ATP8B1: variants seen among roughly 807,000 people sequenced by gnomAD.
The protein encoded by ATP8B1 is phospholipid-transporting ATPase IC.
ATP8B1 carries 80 observed loss-of-function variants against 149.9 expected under a neutral mutation model. That is an observed-to-expected ratio of 0.53 (90% CI 0.45 to 0.64). The LOEUF is 0.64. Among genes scored for constraint, ATP8B1 ranks in the 30% least tolerant of loss-of-function variants. ATP8B1 has a pLI of 0.00. For missense variants in ATP8B1, 1,247 were observed against 1,552.6 expected, an observed-to-expected ratio of 0.80 and a Z score of 3.31; for synonymous variants, 536 against 562.8, an observed-to-expected ratio of 0.95 and a Z score of 0.67.
rs1013229700 is a variant in ATP8B1 at position 57,785,244 on chromosome 18, G to A, written c.-26+17754C>T. On this transcript the variant is annotated intron_variant, in intron 1 of 27. Transcript: ENST00000648908. The stretch of plus-strand genomic sequence containing the variant: ...ATAAACCCAAAATAGAGCAGTGAGT[G>A]GATATAGGTGTTAGCTGGATTTTCC... Among the ~76,000 whole-genome samples the A allele has an allele frequency of 5.3e-5, 8 of 152,144 alleles. No homozygotes were observed. The East Asian group carries it at 1.3e-3, about 26-fold the overall frequency.
intron 2 of ATP8B1, among the ~76,000 whole-genome samples, chr18:57,709,972 G>A (rs1469887626): frequency 6.6e-6 from 1 of 151,206 alleles, no homozygotes; most frequent in African/African-American, 2.4e-5. Flanking sequence ...GAGTCACCAT[G>A]CCTGGCCACT....
intron 2 of ATP8B1, among the ~76,000 whole-genome samples, chr18:57,707,653 T>G (rs1301208696): frequency 6.6e-6 from 1 of 151,352 alleles, no homozygotes; most frequent in Non-Finnish European, 1.5e-5. Flanking sequence ...GGATTACAGG[T>G]GCCTGCCACC....
At chr18:57,702,632 C>T (rs35370860) in intron 4 of ATP8B1, among the ~76,000 whole-genome samples, 57,451 of 151,934 alleles carry the variant, frequency 0.38, 11,088 homozygotes, top group South Asian at 0.55. Context: ...CCGAGGTGGG[C>T]GGATCACCTG....
rs995912716 is a variant in ATP8B1, at chr18:57,693,346, G to A, written c.1029+1236C>T. On this transcript the variant is annotated intron_variant, in intron 11 of 27. Transcript: ENST00000648908. ...CTCCGAAGGCCGGCTTGCAAGGTTC[G>A]CCCTGGGCTGGTATCTGGTAACTTA... Among the ~76,000 whole-genome samples the A allele has an allele frequency of 3.5e-4, 54 of 152,126 alleles. 2 individuals carry two copies. The highest frequency in any genetic ancestry group is 2.8e-3 in the Admixed American group (43 of 15,272).
At chr18:57,692,287 A>G (rs551987913) in intron 11 of ATP8B1, among the ~76,000 whole-genome samples, 4 of 152,274 alleles carry the variant, frequency 2.6e-5, no homozygotes, top group African/African-American at 9.6e-5. Context: ...GAAGAATCTT[A>G]TATTACAGGG....
intron 1 of ATP8B1, among the ~76,000 whole-genome samples, chr18:57,777,637 C>T (rs2080316728): frequency 6.6e-6 from 1 of 151,900 alleles, no homozygotes; most frequent in Non-Finnish European, 1.5e-5. Context: ...GGTGGGATCT[C>T]GGCTCACTGC....
chr18:57,716,653 A>G (rs2079586113), intron 2 of ATP8B1, among the ~76,000 whole-genome samples: 1 of 152,234 alleles, frequency 6.6e-6, no homozygotes, highest in African/African-American at 2.4e-5. Context: ...ATATTTATCC[A>G]CCTTACACTG....
chr18:57,683,121 C>T (rs981252167), intron 15 of ATP8B1, among the ~76,000 whole-genome samples: 5 of 152,164 alleles, frequency 3.3e-5, no homozygotes, highest in African/African-American at 4.8e-5. Context: ...AGCCACCAAG[C>T]GTTGGCCTAC....
intron 15 of ATP8B1, among the ~76,000 whole-genome samples, chr18:57,681,281 T>C (rs1198292941): frequency 6.6e-6 from 1 of 152,164 alleles, no homozygotes; most frequent in Non-Finnish European, 1.5e-5. Context: ...AAATGGGGAC[T>C]TCAGTTCTAC....
At chr18:57,788,397 TACAA>T (rs2080429906) in intron 1 of ATP8B1, among the ~76,000 whole-genome samples, 3 of 152,034 alleles carry the variant, frequency 2.0e-5, no homozygotes, top group Admixed American at 6.5e-5. Flanking sequence ...CTACTAAAAA[TACAA>T]ACAATTAGTC....
intron 1 of ATP8B1, among the ~76,000 whole-genome samples, chr18:57,765,051 C>T (rs2080198204): frequency 6.6e-6 from 1 of 152,212 alleles, no homozygotes; most frequent in Non-Finnish European, 1.5e-5. Context: ...CAAATGCTAT[C>T]TGATAACTGG....
At chr18:57,695,807 C>T (rs541503560) in intron 8 of ATP8B1, among the ~76,000 whole-genome samples, 4 of 152,312 alleles carry the variant, frequency 2.6e-5, no homozygotes, top group South Asian at 2.1e-4. Flanking sequence ...TTCTCATTAA[C>T]TTTAACTTTA....
intron 1 of ATP8B1, among the ~76,000 whole-genome samples, chr18:57,770,391 C>T (rs1260671471): frequency 6.6e-6 from 1 of 152,240 alleles, no homozygotes; most frequent in Non-Finnish European, 1.5e-5. Flanking sequence ...CCAGAGCAGT[C>T]CACAAAATGC....
intron 2 of ATP8B1, among the ~76,000 whole-genome samples, chr18:57,725,874 T>C (rs550864491): frequency 7.3e-4 from 111 of 152,304 alleles, no homozygotes; most frequent in Non-Finnish European, 9.6e-4. Context: ...TATGCAAAAA[T>C]TGAATCAAAA....
In ATP8B1 at chr18:57,661,269, T is replaced by C. The variant is rs758831980; in HGVS notation, c.2612A>G (p.Lys871Arg). The stretch of plus-strand genomic sequence containing the variant: ...CAGGTCCACCACCATGGCCTTCTGC[T>C]TGGGGGTGACGCGGCAGCAGATGAC... ...SAVICCRVTPKQKAMVVDLVK... is the reference protein window; with the variant it reads ...SAVICCRVTPRQKAMVVDLVK... The change falls in exon 22 of 28, where the codon AAG (lysine) becomes AGG (arginine). Residue 871 changes from lysine (K) to arginine (R), a missense_variant. Physicochemically the swap from Lys to Arg is conservative, Grantham distance 26. Coordinates refer to ENST00000648908, the MANE Select transcript of ATP8B1 (RefSeq NM_001374385.1). The C allele has an allele frequency of 5.0e-6, 8 of 1,613,890 alleles. No individual in the cohort carries two copies. In the Admixed American group the frequency reaches 5.0e-5, roughly 10 times the overall value.
chr18:57,707,421 G>A (rs1415491896), intron 2 of ATP8B1, among the ~76,000 whole-genome samples: 3 of 147,868 alleles, frequency 2.0e-5, no homozygotes, highest in African/African-American at 4.8e-5. Context: ...AGAACTAGGT[G>A]TTGATGAATC....
intron 16 of ATP8B1, among the ~76,000 whole-genome samples, chr18:57,674,386 C>CTTTTTTT (rs36078409): frequency 1.6e-5 from 2 of 128,396 alleles, no homozygotes; most frequent in African/African-American, 5.8e-5. Flanking sequence ...ATACCAGTTT[C>CTTTTTTT]TTTTTTTTTT....
At chr18:57,798,924 A>C (rs1460357246) in intron 1 of ATP8B1, among the ~76,000 whole-genome samples, 1 of 152,208 alleles carries the variant, frequency 6.6e-6, no homozygotes, top group Non-Finnish European at 1.5e-5. Context: ...TGCTAAATAA[A>C]TACTAACTTG....
chr18:57,754,491 T>C (rs9964255), intron 1 of ATP8B1, among the ~76,000 whole-genome samples: 28,655 of 151,714 alleles, frequency 0.19, 3,303 homozygotes, highest in African/African-American at 0.32. Context: ...GTTCCTCAGT[T>C]TATCATCTGT....
Sources: allele counts gnomAD v4.1 joint callset (sites outside exome capture counted in the v4.1 genomes callset), GRCh38; gene constraint gnomAD v4.1.1; transcripts MANE v1.5; gene names NCBI Gene and HGNC (gene_info 2026-07-23, HGNC 2026-07-21).